SGPL1: variants seen among roughly 807,000 people sequenced by gnomAD.
SGPL1 encodes the protein sphingosine-1-phosphate lyase 1.
In SGPL1, 37 loss-of-function variants were observed where a neutral mutation model predicts 68.9. The observed-to-expected ratio is 0.54, with a 90% CI of 0.41 to 0.71. The LOEUF is 0.71. SGPL1 is among the 30% of genes least tolerant of loss of function. The pLI, the probability that SGPL1 is intolerant of heterozygous loss-of-function variation, is 0.00. For missense variants in SGPL1, 551 were observed against 704.6 expected, an observed-to-expected ratio of 0.78 and a Z score of 2.47; for synonymous variants, 236 against 248.5, an observed-to-expected ratio of 0.95 and a Z score of 0.47.
At chr10:70,832,515 C>T (rs902704116) in intron 2 of SGPL1, among the ~76,000 whole-genome samples, 1 of 152,228 alleles carries the variant, frequency 6.6e-6, no homozygotes, top group Non-Finnish European at 1.5e-5. Flanking sequence ...CAGCTAACCT[C>T]TGCCCTTCCC....
intron 2 of SGPL1, among the ~76,000 whole-genome samples, chr10:70,824,516 CA>C (rs1305351641): frequency 6.6e-6 from 1 of 152,080 alleles, no homozygotes; most frequent in Non-Finnish European, 1.5e-5. Context: ...TGGCTCATTA[CA>C]ACCATTTTCA....
rs1395099317 is a variant in SGPL1 at position 70,876,662 on chromosome 10, G to A, written c.1566+1G>A. 7.5e-6 allele frequency: 12 copies of A among 1,604,620 alleles called. No homozygotes were observed. Among genetic ancestry groups the A allele is most frequent in the African/African-American group, 1.3e-5 (1 of 74,250 alleles). On this transcript the variant is annotated splice_donor_variant, in intron 14 of 14. Transcript: ENST00000373202. LOFTEE classifies it high-confidence loss of function. ...TCCTAAAGCGAAGACCACAGGAATG[G>A]TAGGGACACTTGGAGTTTTTTTTCT...
intron 4 of SGPL1, among the ~76,000 whole-genome samples, chr10:70,852,447 G>A (rs1845898771): frequency 1.3e-5 from 2 of 152,296 alleles, no homozygotes; most frequent in South Asian, 2.1e-4. Flanking sequence ...TATAAGGGGT[G>A]GGGACAGGGA....
Position 70,880,862 on chromosome 10 carries a change from G to A in SGPL1, c.*3527G>A, listed in dbSNP as rs1846484143. On this transcript the variant is annotated 3_prime_UTR_variant, in exon 15 of 15. Coordinates refer to ENST00000373202, the MANE Select transcript of SGPL1 (RefSeq NM_003901.4). ...TGAGGAGGCCTGGCTTATCTAGGAA[G>A]TCGTGTCTGGGGTGCTTATTGCTGC... 1 of 152,218 alleles carries A rather than the reference G, an allele frequency of 6.6e-6. No homozygotes were observed. Among genetic ancestry groups the A allele is most frequent in the Non-Finnish European group, 1.5e-5 (1 of 68,044 alleles). The allele number at this position is 152,218 out of a possible 1,614,324, so 9.4% of individuals were successfully genotyped here.
rs553542155 is a variant in SGPL1, at chr10:70,841,192, G to A, written c.28-3281G>A. ...ATTGAGGTTGTTGATGCAACAGTGGGCTCTGGGGAATGGCCACCAAGAACT... is the reference window on the plus strand; with the variant it reads ...ATTGAGGTTGTTGATGCAACAGTGGACTCTGGGGAATGGCCACCAAGAACT... On this transcript the variant is annotated intron_variant, in intron 2 of 14. Transcript: ENST00000373202. 9.2e-5 allele frequency among the ~76,000 whole-genome samples: 14 copies of A among 152,176 alleles called. No individual in the cohort carries two copies. The East Asian group carries it at 2.7e-3, about 29-fold the overall frequency.
chr10:70,859,506 A>G lies in SGPL1; in HGVS notation c.615+7A>G. On this transcript the variant is annotated splice_region_variant and intron_variant, in intron 7 of 14. Transcript: ENST00000373202. ...ACCAGATTCGTGTGGATGTGTAAGTATATGCAAGGGGCATCCAATAGCCTT... is the reference window on the plus strand; with the variant it reads ...ACCAGATTCGTGTGGATGTGTAAGTGTATGCAAGGGGCATCCAATAGCCTT... 6.7e-7 allele frequency: 1 copy of G among 1,494,464 alleles called. No individual in the cohort carries two copies. The highest frequency in any genetic ancestry group is 2.0e-5 in the Admixed American group (1 of 50,124). The allele number at this position is 1,494,464 out of a possible 1,614,324, so 92.6% of individuals were successfully genotyped here.
intron 12 of SGPL1, 25 bp from the exon 13 acceptor site, chr10:70,875,377 C>T: frequency 6.6e-7 from 1 of 1,518,624 alleles, no homozygotes; most frequent in Non-Finnish European, 9.1e-7. Flanking sequence ...ACTTTTTCTT[C>T]CTTCATTTAT....
intron 2 of SGPL1, among the ~76,000 whole-genome samples, chr10:70,829,336 C>T (rs906075038): frequency 2.0e-5 from 3 of 152,080 alleles, no homozygotes; most frequent in Admixed American, 1.3e-4. Flanking sequence ...TTATTACCAC[C>T]GTCTGTAAGA....
At chr10:70,852,537 G>A (rs780260623) in intron 4 of SGPL1, among the ~76,000 whole-genome samples, 5 of 151,826 alleles carry the variant, frequency 3.3e-5, no homozygotes, top group African/African-American at 9.7e-5. Context: ...TCTTCTTTTC[G>A]TTCAGTTTTC....
intron 12 of SGPL1, among the ~76,000 whole-genome samples, chr10:70,874,728 A>G (rs1158085975): frequency 6.6e-6 from 1 of 152,130 alleles, no homozygotes; most frequent in Non-Finnish European, 1.5e-5. Context: ...CATCTCAAAA[A>G]TAAAAAATAA....
chr10:70,866,403 G>GA (rs1846187773), intron 7 of SGPL1: 1 of 151,868 alleles, frequency 6.6e-6, no homozygotes, highest in Non-Finnish European at 1.5e-5. Context: ...AAACAAAAAA[G>GA]AAAAAAGTAG....
intron 2 of SGPL1, among the ~76,000 whole-genome samples, chr10:70,829,401 G>GTGAC (rs1845494736): frequency 6.6e-6 from 1 of 152,154 alleles, no homozygotes; most frequent in South Asian, 2.1e-4. Context: ...CAGCTCCTTT[G>GTGAC]TGACTGGGAA....
intron 7 of SGPL1, among the ~76,000 whole-genome samples, chr10:70,867,231 G>T (rs1191483591): frequency 6.6e-6 from 1 of 152,160 alleles, no homozygotes; most frequent in Non-Finnish European, 1.5e-5. Flanking sequence ...TGACATGCCT[G>T]TGTTGGTCAA....
chr10:70,850,910 C>G (rs1289021045), intron 3 of SGPL1, among the ~76,000 whole-genome samples: 2 of 152,026 alleles, frequency 1.3e-5, no homozygotes, highest in Non-Finnish European at 2.9e-5. Flanking sequence ...GAGAGGGAAG[C>G]TTCACTGCTT....
At chr10:70,851,120 A>G (rs202220123) in intron 3 of SGPL1, 23 bp from the exon 4 acceptor site, 1 of 1,597,302 alleles carries the variant, frequency 6.3e-7, no homozygotes, top group African/African-American at 1.3e-5. Context: ...TATTTGAATA[A>G]GAGAACCATT....
In SGPL1 at chr10:70,844,515, A is replaced by G. The variant is rs1845761569; in HGVS notation, c.70A>G (p.Thr24Ala). ...PYLEILEVYS[T>A]KAKNYVNGHC... ...CTTAGAGATTTTGGAAGTATACTCC[A>G]CAAAAGCCAAGAATTATGTAAATGG... Residue 24 changes from threonine to alanine, a missense_variant, in exon 3 of 15, where the codon ACA (threonine) becomes GCA (alanine). Thr to Ala is a moderately conservative substitution (Grantham distance 58, BLOSUM62 0). Coordinates refer to ENST00000373202, the MANE Select transcript of SGPL1 (RefSeq NM_003901.4). 1 of 1,613,962 alleles carries G rather than the reference A, an allele frequency of 6.2e-7. No homozygotes were observed. The highest frequency in any genetic ancestry group is 8.5e-7 in the Non-Finnish European group (1 of 1,179,956).
At chr10:70,864,529 T>C (rs1846143942) in intron 7 of SGPL1, among the ~76,000 whole-genome samples, 1 of 152,240 alleles carries the variant, frequency 6.6e-6, no homozygotes, top group African/African-American at 2.4e-5. Context: ...TTTTTAGGTC[T>C]GTAGCTCATT....
chr10:70,818,963 C>T (rs1311539270), intron 2 of SGPL1, among the ~76,000 whole-genome samples: 4 of 152,134 alleles, frequency 2.6e-5, no homozygotes, highest in Admixed American at 6.5e-5. Context: ...CAGAAATAAC[C>T]GCTGTGAGCA....
At chr10:70,824,348 A>G (rs530505527) in intron 2 of SGPL1, among the ~76,000 whole-genome samples, 1 of 152,354 alleles carries the variant, frequency 6.6e-6, no homozygotes, top group Admixed American at 6.5e-5. Context: ...CCAGATTGGT[A>G]TTTTGCATCA....
Sources: gnomAD v4.1 joint callset for allele counts (sites outside exome capture counted in the v4.1 genomes callset) on GRCh38, gnomAD v4.1.1 for gene constraint, MANE v1.5 for transcripts, NCBI Gene and HGNC (gene_info 2026-07-23, HGNC 2026-07-21) for gene names.